Variants in ATG7 observed in about 807,000 individuals in gnomAD.
The protein encoded by ATG7 is ubiquitin-like modifier-activating enzyme ATG7.
Under a neutral mutation model 82.4 loss-of-function variants are expected in ATG7, and 70 were observed. The ratio of observed to expected loss-of-function variants is 0.85; its 90% confidence interval spans 0.70 to 1.04. The LOEUF is 1.04. Ranked by LOEUF, ATG7 falls within the 50% of genes least tolerant of loss-of-function variation. The pLI, the probability that ATG7 is intolerant of heterozygous loss-of-function variation, is 0.00. For missense variants in ATG7, 792 were observed against 864.3 expected (o/e 0.92, Z 1.05); for synonymous variants, 287 against 313.0 (o/e 0.92, Z 0.88).
intron 20 of ATG7, among the ~76,000 whole-genome samples, chr3:11,522,071 G>C (rs1040923694): frequency 8.5e-5 from 13 of 152,138 alleles, no homozygotes; most frequent in Admixed American, 1.3e-4. Context: ...CTTGCCCCTA[G>C]GTTATCAGCT....
At chr3:11,501,041 G>A (rs528948917) in intron 20 of ATG7, among the ~76,000 whole-genome samples, 20 of 152,320 alleles carry the variant, frequency 1.3e-4, no homozygotes, top group African/African-American at 4.3e-4. Flanking sequence ...GATCACTTGA[G>A]GCCAGGAGTT....
intron 20 of ATG7, among the ~76,000 whole-genome samples, chr3:11,441,538 A>C (rs2083963868): frequency 6.6e-6 from 1 of 151,184 alleles, no homozygotes; most frequent in African/African-American, 2.4e-5. Context: ...CACCGCAACC[A>C]GCCTGCATTA....
chr3:11,516,595 A>G (rs1425183881), intron 20 of ATG7, among the ~76,000 whole-genome samples: 1 of 152,242 alleles, frequency 6.6e-6, no homozygotes, highest in Non-Finnish European at 1.5e-5. Flanking sequence ...AGTTGATAAT[A>G]GGTCCACACA....
chr3:11,565,359 G>A, the ATG7 span, among the ~76,000 whole-genome samples: 2 of 152,128 alleles, frequency 1.3e-5, no homozygotes, highest in African/African-American at 4.8e-5. This position sits in a 1 kb window ranked among gnomAD's most constrained non-coding sequence, Gnocchi z 4.1. Flanking sequence ...GTTCGATAAG[G>A]ACCTGCCATT....
chr3:11,319,317 T>C (rs1403884322), intron 9 of ATG7, among the ~76,000 whole-genome samples: 1 of 152,204 alleles, frequency 6.6e-6, no homozygotes, highest in African/African-American at 2.4e-5. Context: ...TTTTCAAAAA[T>C]AGGCATTCTT....
At chr3:11,419,585 C>G (rs565561950) in intron 19 of ATG7, among the ~76,000 whole-genome samples, 1 of 151,996 alleles carries the variant, frequency 6.6e-6, no homozygotes, top group African/African-American at 2.4e-5. Context: ...CACTACAAAC[C>G]CATTTTGCTT....
chr3:11,432,804 A>G (rs1312838851), intron 20 of ATG7, among the ~76,000 whole-genome samples: 1 of 152,186 alleles, frequency 6.6e-6, no homozygotes, highest in Admixed American at 6.5e-5. Flanking sequence ...GGAATTTTGC[A>G]TAAAGCTCTG....
At chr3:11,353,432 G>C (rs1278639101) in intron 14 of ATG7, among the ~76,000 whole-genome samples, 1 of 152,154 alleles carries the variant, frequency 6.6e-6, no homozygotes, top group African/African-American at 2.4e-5. Context: ...GACAGAGTGA[G>C]ACTCTGTCTC....
At chr3:11,440,492 T>C (rs2083805359) in intron 20 of ATG7, among the ~76,000 whole-genome samples, 3 of 147,300 alleles carry the variant, frequency 2.0e-5, no homozygotes, top group Non-Finnish European at 3.0e-5. Context: ...GCCCGGCTAA[T>C]TTTTTGTATT....
chr3:11,413,561 C>G (rs1220959328), intron 19 of ATG7, among the ~76,000 whole-genome samples: 1 of 151,614 alleles, frequency 6.6e-6, no homozygotes, highest in African/African-American at 2.4e-5. Context: ...ATGTAGAAAA[C>G]TGTAAAGATG....
downstream of ATG7, among the ~76,000 whole-genome samples, chr3:11,560,239 A>G (rs2072860285): frequency 6.6e-6 from 1 of 152,230 alleles, no homozygotes; most frequent in African/African-American, 2.4e-5. Context: ...AAGACCATGC[A>G]CACCAGGCAG....
At position 11,475,661 on chromosome 3, in the gene ATG7, T is replaced by C. The variant is rs567736858; in HGVS notation, c.2079+48735T>C. ...TCACCCAAAGCAGAACATGGCAAGC[T>C]CCTGAAGGAGAATTTGTTGATACTG... On this transcript the variant is annotated intron_variant, in intron 20 of 20. Coordinates refer to ENST00000693202, the MANE Select transcript of ATG7 (RefSeq NM_001349232.2). 2.6e-5 allele frequency among the ~76,000 whole-genome samples: 4 copies of C among 152,214 alleles called. No homozygotes were observed. In the East Asian group the frequency reaches 7.7e-4, roughly 29 times the overall value.
At chr3:11,308,826 G>A (rs1214628540) in intron 6 of ATG7, 158 bp from the exon 7 acceptor site, 6 of 680,280 alleles carry the variant, frequency 8.8e-6, no homozygotes, top group Middle Eastern at 3.1e-4. Flanking sequence ...GTGTGAAGTC[G>A]GCAGAGTGAG....
At chr3:11,451,586 A>G (rs1687290634) in intron 20 of ATG7, among the ~76,000 whole-genome samples, 1 of 152,130 alleles carries the variant, frequency 6.6e-6, no homozygotes, top group Non-Finnish European at 1.5e-5. Flanking sequence ...ACTGGTATAA[A>G]GGGCCTCTGC....
At chr3:11,480,946 T>A (rs1370678124) in intron 20 of ATG7, among the ~76,000 whole-genome samples, 1 of 152,230 alleles carries the variant, frequency 6.6e-6, no homozygotes, top group Non-Finnish European at 1.5e-5. Flanking sequence ...CAGCAGATGA[T>A]CAGAGTTGGT....
chr3:11,352,490 T>C (rs2075637720), intron 14 of ATG7, among the ~76,000 whole-genome samples: 1 of 152,226 alleles, frequency 6.6e-6, no homozygotes, highest in South Asian at 2.1e-4. Flanking sequence ...TGTTCCTATT[T>C]TTCCACATCC....
rs1281294766 is a variant in ATG7, at chr3:11,362,810, C to T, written c.1684-3C>T. On this transcript the variant is annotated splice_region_variant and splice_polypyrimidine_tract_variant and intron_variant, in intron 16 of 20. Transcript: ENST00000693202. ...GCACACACCAATGATTGTTTCTTTG[C>T]AGTCAACCAGAGACCGGACCTTGGA... The T allele has an allele frequency of 1.2e-6, 2 of 1,612,992 alleles. No homozygotes were observed. The highest frequency in any genetic ancestry group is 1.3e-5 in the African/African-American group (1 of 74,872).
At chr3:11,310,360 T>A (rs1948453965) in intron 7 of ATG7, among the ~76,000 whole-genome samples, 1 of 152,132 alleles carries the variant, frequency 6.6e-6, no homozygotes, top group Non-Finnish European at 1.5e-5. Context: ...TCCCACTTCT[T>A]TTTTTGGCAA....
At chr3:11,521,555 T>A (rs1197740711) in intron 20 of ATG7, among the ~76,000 whole-genome samples, 1 of 53,478 alleles carries the variant, frequency 1.9e-5, no homozygotes, top group African/African-American at 7.7e-5. Flanking sequence ...AAGGGTTTTT[T>A]TGTTTTTTTT....
Sources: allele counts gnomAD v4.1 joint callset (sites outside exome capture counted in the v4.1 genomes callset), GRCh38; gene constraint gnomAD v4.1.1; non-coding constraint Gnocchi (gnomAD v3.1); transcripts MANE v1.5; gene names NCBI Gene and HGNC (gene_info 2026-07-23, HGNC 2026-07-21).